The following LIPM variants were observed in gnomAD, a reference collection of about 807,000 sequenced individuals.
LIPM encodes the protein lipase family member M.
LIPM carries 42 observed loss-of-function variants against 42.4 expected under a neutral mutation model. The ratio of observed to expected loss-of-function variants is 0.99; its 90% confidence interval spans 0.77 to 1.28. LIPM has a LOEUF of 1.28. Among genes scored for constraint, LIPM ranks in the 50% most tolerant of loss-of-function variants. The probability of loss-of-function intolerance (pLI) is 0.00; values close to 1 mark genes in which losing one functional copy is unlikely to be tolerated. For missense variants in LIPM, 524 were observed against 520.1 expected, an observed-to-expected ratio of 1.01 and a Z score of -0.07; for synonymous variants, 177 against 173.3, an observed-to-expected ratio of 1.02 and a Z score of -0.17.
intron 7 of LIPM, among the ~76,000 whole-genome samples, chr10:88,817,540 C>T (rs532915126): frequency 6.6e-6 from 1 of 152,344 alleles, no homozygotes; most frequent in South Asian, 2.1e-4. Context: ...GTAGCCCACA[C>T]AGTTGTGGAG....
intron 8 of LIPM, among the ~76,000 whole-genome samples, chr10:88,818,140 G>T (rs1026218011): frequency 1.3e-5 from 2 of 152,164 alleles, no homozygotes; most frequent in Non-Finnish European, 2.9e-5. Flanking sequence ...AAGGTACTGG[G>T]CTTCTCAGGA....
chr10:88,805,120 G>A lies in LIPM; in HGVS notation c.147+2077G>A, dbSNP rs567440437. The stretch of plus-strand genomic sequence containing the variant: ...CAAGTGTTTACTGAGCACCTACTAG[G>A]TCCATGATATTGTGTTATGTACTAA... On this transcript the variant is annotated intron_variant, in intron 1 of 8. Coordinates refer to ENST00000404743, the MANE Select transcript of LIPM (RefSeq NM_001128215.1). Among the ~76,000 whole-genome samples, 15 of 152,230 alleles carry A rather than the reference G, an allele frequency of 9.9e-5. 1 individual carries two copies. Among genetic ancestry groups the A allele is most frequent in the Middle Eastern group, 6.8e-3 (2 of 294 alleles).
At chr10:88,812,450 G>T (rs930191715) in intron 2 of LIPM, among the ~76,000 whole-genome samples, 1 of 151,914 alleles carries the variant, frequency 6.6e-6, no homozygotes, top group Non-Finnish European at 1.5e-5. Flanking sequence ...TTTGTTAGTG[G>T]GTATTGTACT....
intron 1 of LIPM, chr10:88,806,050 G>A (rs1357943311): frequency 2.2e-6 from 1 of 455,512 alleles, no homozygotes; most frequent in Non-Finnish European, 4.4e-6. Flanking sequence ...CTTGGAGGAA[G>A]TGGCTTTCTA....
intron 3 of LIPM, among the ~76,000 whole-genome samples, chr10:88,813,764 T>C (rs991480715): frequency 1.3e-5 from 2 of 152,094 alleles, no homozygotes; most frequent in African/African-American, 4.8e-5. Context: ...TCAGCGGGGC[T>C]GGGGAGGCCT....
intron 2 of LIPM, among the ~76,000 whole-genome samples, chr10:88,811,748 C>G (rs746290351): frequency 2.0e-5 from 3 of 152,150 alleles, no homozygotes; most frequent in Non-Finnish European, 4.4e-5. Flanking sequence ...ATCTCTCCCC[C>G]ATCTCTTACG....
chr10:88,815,496 T>C lies in LIPM; in HGVS notation c.851T>C (p.Met284Thr), dbSNP rs902422599. Residue 284 changes from methionine (M) to threonine (T), a missense_variant, in exon 6 of 9, where the codon ATG becomes ACG. By Grantham distance (81) the Met-to-Thr change is moderately conservative (BLOSUM62 -1). Coordinates refer to ENST00000404743, the MANE Select transcript of LIPM (RefSeq NM_001128215.1). ...LLLGGFNTNN[M>T]NMSRASVYAA... is the part of the protein sequence containing the mutation. ...CTGGGTGGATTCAACACCAACAATA[T>C]GAACATGGTAAGTGGGAGCCTAGTA... 1 of 1,551,254 alleles carries C rather than the reference T, an allele frequency of 6.4e-7. No homozygotes were observed. The highest frequency in any genetic ancestry group is 8.7e-7 in the Non-Finnish European group (1 of 1,146,760).
Position 88,808,422 on chromosome 10 carries a change from G to T in LIPM, c.265+7G>T, listed in dbSNP as rs964264040. Reference sequence around the variant, plus strand: ...GTGCAACCTAAGAAGACAGGTGTGGGTCACCCCATGTCACCGCAACACAGC... The same window carrying T: ...GTGCAACCTAAGAAGACAGGTGTGGTTCACCCCATGTCACCGCAACACAGC... On this transcript the variant is annotated splice_region_variant and intron_variant, in intron 2 of 8. Transcript: ENST00000404743. The T allele has an allele frequency of 7.2e-7, 1 of 1,396,398 alleles. No individual in the cohort carries two copies. The highest frequency in any genetic ancestry group is 1.4e-5 in the African/African-American group (1 of 70,194). The allele number at this position is 1,396,398 out of a possible 1,614,324, so 86.5% of individuals were successfully genotyped here. A position where few individuals can be genotyped will look rare whatever the true frequency, so the allele number is the denominator to read the frequency against.
intron 4 of LIPM, 74 bp downstream of exon 4, chr10:88,814,713 T>C: frequency 8.9e-7 from 1 of 1,129,668 alleles, no homozygotes; most frequent in Non-Finnish European, 1.3e-6. Flanking sequence ...CCCTGAAATC[T>C]GTCACCTTGT....
At chr10:88,819,080 G>A (rs1843754577) in intron 8 of LIPM, among the ~76,000 whole-genome samples, 1 of 151,874 alleles carries the variant, frequency 6.6e-6, no homozygotes, top group Admixed American at 6.6e-5. Context: ...TTTAGGGATG[G>A]GGTTTCACCA....
rs926754098 is a variant in LIPM, at chr10:88,820,472, T to G, written c.1243T>G (p.Ser415Ala). ...GATGCAGCAGGAGGAGACCAACCTT[T>G]CCCAGGGACGGTGTGAGGCCGTATT... ...HLMQQEETNLSQGRCEAVL is the reference protein window; with the variant it reads ...HLMQQEETNLAQGRCEAVL The change falls in exon 9 of 9, where the codon TCC becomes GCC. Residue 415 changes from serine (S) to alanine (A), a missense_variant. Ser to Ala is a moderately conservative substitution (Grantham distance 99). Transcript: ENST00000404743. The G allele has an allele frequency of 3.9e-6, 6 of 1,551,436 alleles. No homozygotes were observed. Among genetic ancestry groups the G allele is most frequent in the Non-Finnish European group, 5.2e-6 (6 of 1,146,988 alleles).
chr10:88,815,096 G>A lies in LIPM; in HGVS notation c.583G>A (p.Ala195Thr). The A allele has an allele frequency of 6.5e-7, 1 of 1,542,078 alleles. No homozygotes were observed. The highest frequency in any genetic ancestry group is 1.4e-5 in the African/African-American group (1 of 72,466). The change falls in exon 5 of 9, where the codon GCA (alanine) becomes ACA (threonine). Residue 195 changes from alanine to threonine, a missense_variant. Physicochemically the swap from Ala to Thr is moderately conservative, Grantham distance 58. Coordinates refer to ENST00000404743, the MANE Select transcript of LIPM (RefSeq NM_001128215.1). Reference sequence around the variant, plus strand: ...TATTTCTTCTTTTGCAGGCTTTATTGCATTTTCCACCATGCCAGAGCTGGC... The same window carrying A: ...TATTTCTTCTTTTGCAGGCTTTATTACATTTTCCACCATGCCAGAGCTGGC... ...YSQGTTMGFI[A>T]FSTMPELAQK...
chr10:88,812,052 C>G (rs1843662465), intron 2 of LIPM, among the ~76,000 whole-genome samples: 1 of 152,142 alleles, frequency 6.6e-6, no homozygotes, highest in Non-Finnish European at 1.5e-5. Flanking sequence ...AAGTCTGTCT[C>G]CTTCATAAAC....
At chr10:88,818,131 A>G (rs1163439813) in intron 8 of LIPM, among the ~76,000 whole-genome samples, 1 of 152,336 alleles carries the variant, frequency 6.6e-6, no homozygotes, top group South Asian at 2.1e-4. Flanking sequence ...TCCCTAAACA[A>G]GGTACTGGGC....
intron 7 of LIPM, 42 bp downstream of exon 7, chr10:88,816,929 A>G: frequency 1.4e-6 from 2 of 1,425,178 alleles, no homozygotes; most frequent in Non-Finnish European, 1.9e-6. Context: ...ATGTCCTGTT[A>G]TATTTTGTGT....
chr10:88,802,738 T>C lies in LIPM; in HGVS notation c.-159T>C. On this transcript the variant is annotated 5_prime_UTR_variant, in exon 1 of 9. Coordinates refer to ENST00000404743, the MANE Select transcript of LIPM (RefSeq NM_001128215.1). ...TAGGCAATGTTTCCAGCCTACTTTGTGTTCTTTCCCTACCAACTAAGCTTG... is the reference window on the plus strand; with the variant it reads ...TAGGCAATGTTTCCAGCCTACTTTGCGTTCTTTCCCTACCAACTAAGCTTG... The C allele has an allele frequency of 3.0e-6, 2 of 670,118 alleles. No homozygotes were observed. Among genetic ancestry groups the C allele is most frequent in the Non-Finnish European group, 5.0e-6 (2 of 400,714 alleles). 41.5% of individuals were successfully genotyped at this position (670,118 alleles called of 1,614,324 possible). A position where few individuals can be genotyped will look rare whatever the true frequency, so the allele number is the denominator to read the frequency against.
chr10:88,814,990 A>G, intron 4 of LIPM, 98 bp from the exon 5 acceptor site: 2 of 1,112,358 alleles, frequency 1.8e-6, no homozygotes, highest in Non-Finnish European at 2.5e-6. Flanking sequence ...ATGCAGTCAC[A>G]TATATACTTA....
chr10:88,805,673 G>T (rs1468688009), intron 1 of LIPM, among the ~76,000 whole-genome samples: 4 of 152,118 alleles, frequency 2.6e-5, no homozygotes, highest in Non-Finnish European at 4.4e-5. Flanking sequence ...ATATCATGAA[G>T]AATTTCCCAA....
chr10:88,812,657 G>A (rs1360116896), intron 2 of LIPM, among the ~76,000 whole-genome samples: 1 of 152,140 alleles, frequency 6.6e-6, no homozygotes, highest in Non-Finnish European at 1.5e-5. Context: ...GCTCCTTCAA[G>A]CTGGCTTGTG....
Sources: allele counts gnomAD v4.1 joint callset (sites outside exome capture counted in the v4.1 genomes callset), GRCh38; gene constraint gnomAD v4.1.1; transcripts MANE v1.5; gene names NCBI Gene and HGNC (gene_info 2026-07-23, HGNC 2026-07-21).